The following XYLT1 variants were observed in gnomAD, a reference collection of about 807,000 sequenced individuals.
The protein encoded by XYLT1 is beta-D-xylosyltransferase 1.
In XYLT1, 36 loss-of-function variants were observed where a neutral mutation model predicts 91.3. The observed-to-expected ratio is 0.39, with a 90% CI of 0.30 to 0.52. The LOEUF (loss-of-function observed/expected upper bound fraction) is 0.52, where lower values mean the gene tolerates loss of function less well. Among genes scored for constraint, XYLT1 ranks in the 20% least tolerant of loss-of-function variants. The pLI, the probability that XYLT1 is intolerant of heterozygous loss-of-function variation, is 0.68. For synonymous variants in XYLT1, 588 were observed against 532.0 expected, an observed-to-expected ratio of 1.11 and a Z score of -1.45; for missense variants, 1,242 against 1,284.5, an observed-to-expected ratio of 0.97 and a Z score of 0.51.
chr16:17,224,796 A>C (rs2033033844), intron 3 of XYLT1, among the ~76,000 whole-genome samples: 2 of 152,176 alleles, frequency 1.3e-5, no homozygotes, highest in Admixed American at 6.5e-5. Context: ...GAGGTGCATG[A>C]GGCTCTCCCT....
At chr16:17,177,435 T>C (rs2031970065) in intron 5 of XYLT1, among the ~76,000 whole-genome samples, 1 of 152,192 alleles carries the variant, frequency 6.6e-6, no homozygotes, top group East Asian at 1.9e-4. Context: ...GACAATGTCA[T>C]GAAGATGTCA....
At chr16:17,387,216 C>T (rs1202633898) in intron 1 of XYLT1, among the ~76,000 whole-genome samples, 1 of 152,162 alleles carries the variant, frequency 6.6e-6, no homozygotes, top group Non-Finnish European at 1.5e-5. Flanking sequence ...CTGTACCTCC[C>T]TATGCACAAA....
intron 1 of XYLT1, among the ~76,000 whole-genome samples, chr16:17,359,284 G>A (rs1257179850): frequency 6.6e-6 from 1 of 152,160 alleles, no homozygotes; most frequent in Non-Finnish European, 1.5e-5. Flanking sequence ...TTTCCACCAC[G>A]GGGTTTTAGG....
At chr16:17,221,651 A>T (rs1351326615) in intron 3 of XYLT1, among the ~76,000 whole-genome samples, 2 of 152,166 alleles carry the variant, frequency 1.3e-5, no homozygotes, top group Admixed American at 6.5e-5. Context: ...AGGCAGGAGG[A>T]TCGCTTGAGC....
intron 2 of XYLT1, among the ~76,000 whole-genome samples, chr16:17,271,736 G>A (rs1419390576): frequency 6.6e-6 from 1 of 152,122 alleles, no homozygotes; most frequent in Non-Finnish European, 1.5e-5. Context: ...GTAGGAGTGG[G>A]GCAAAATCAC....
At chr16:17,419,296 G>A (rs2036220274) in intron 1 of XYLT1, among the ~76,000 whole-genome samples, 1 of 151,862 alleles carries the variant, frequency 6.6e-6, no homozygotes, top group African/African-American at 2.4e-5. Context: ...GAGCCAGGAT[G>A]GTACCACTGC....
intron 2 of XYLT1, among the ~76,000 whole-genome samples, chr16:17,297,930 A>C (rs1008806042): frequency 6.6e-6 from 1 of 151,922 alleles, no homozygotes; most frequent in Non-Finnish European, 1.5e-5. Context: ...CTGAGGCAGG[A>C]GAATGGCGTG....
chr16:17,249,940 T>A (rs2033510072), intron 3 of XYLT1: 1 of 152,332 alleles, frequency 6.6e-6, no homozygotes, highest in Non-Finnish European at 1.5e-5. Context: ...CCTCCCAAAG[T>A]GCTGAGATCA....
chr16:17,103,964 G>C lies in XYLT1; in HGVS notation c.*4731C>G, dbSNP rs1177905103. ...TCTAAGAGAGCCAGAGAGGAAGAGA[G>C]AGAGGAGAGAGAGAATTTGCATAGA... On this transcript the variant is annotated 3_prime_UTR_variant, in exon 12 of 12. Coordinates refer to ENST00000261381, the MANE Select transcript of XYLT1 (RefSeq NM_022166.4). The C allele has an allele frequency of 6.5e-6, 1 of 152,942 alleles. No homozygotes were observed. The highest frequency in any genetic ancestry group is 1.5e-5 in the Non-Finnish European group (1 of 68,308). The allele number at this position is 152,942 out of a possible 1,614,324, so 9.5% of individuals were successfully genotyped here.
intron 2 of XYLT1, among the ~76,000 whole-genome samples, chr16:17,350,080 T>C (rs1193335571): frequency 6.6e-6 from 1 of 152,164 alleles, no homozygotes; most frequent in Non-Finnish European, 1.5e-5. Flanking sequence ...TTCACTGTGT[T>C]AGCCAAAATG....
chr16:17,260,551 C>A (rs1042109985), intron 2 of XYLT1, among the ~76,000 whole-genome samples: 1 of 152,142 alleles, frequency 6.6e-6, no homozygotes, highest in Non-Finnish European at 1.5e-5. Flanking sequence ...ATGCCTCTTA[C>A]CAGTTCCCAA....
intron 3 of XYLT1, among the ~76,000 whole-genome samples, chr16:17,257,256 A>G (rs1467501776): frequency 6.6e-6 from 1 of 152,164 alleles, no homozygotes; most frequent in Non-Finnish European, 1.5e-5. Context: ...AAAGACCCCT[A>G]GAATGCAAGC....
intron 5 of XYLT1, 121 bp downstream of exon 5, chr16:17,198,091 C>A (rs901284012): frequency 4.5e-5 from 46 of 1,013,934 alleles, no homozygotes; most frequent in Non-Finnish European, 5.9e-5. Context: ...AATCAGAATC[C>A]TATCCTGAGC....
intron 3 of XYLT1, among the ~76,000 whole-genome samples, chr16:17,255,083 GC>G (rs1375342615): frequency 1.4e-5 from 2 of 144,292 alleles, no homozygotes; most frequent in Admixed American, 7.3e-5. Flanking sequence ...TGCAACCTCT[GC>G]CCCTTGGGTT....
chr16:17,447,707 GA>G (rs1368390144), intron 1 of XYLT1, among the ~76,000 whole-genome samples: 1 of 152,224 alleles, frequency 6.6e-6, no homozygotes. Context: ...TATGTCGTAA[GA>G]CCCATGGAGG....
chr16:17,380,161 A>G (rs2035661166), intron 1 of XYLT1, among the ~76,000 whole-genome samples: 1 of 152,134 alleles, frequency 6.6e-6, no homozygotes, highest in African/African-American at 2.4e-5. Context: ...GGTGGTGCAC[A>G]CCTGTAATCC....
intron 9 of XYLT1, among the ~76,000 whole-genome samples, chr16:17,132,560 C>G (rs886250535): frequency 4.8e-5 from 3 of 61,896 alleles, no homozygotes; most frequent in Non-Finnish European, 5.3e-5. Context: ...ACTAAGATAC[C>G]AGCAATGACC....
chr16:17,378,852 G>T (rs181093801), intron 1 of XYLT1, among the ~76,000 whole-genome samples: 1 of 152,170 alleles, frequency 6.6e-6, no homozygotes, highest in Non-Finnish European at 1.5e-5. Flanking sequence ...CCTAAGCTCA[G>T]ATTAAAACCC....
chr16:17,451,190 A>G (rs979139322), intron 1 of XYLT1, among the ~76,000 whole-genome samples: 3 of 152,196 alleles, frequency 2.0e-5, no homozygotes, highest in Non-Finnish European at 4.4e-5. Context: ...AACAGAGATG[A>G]TGAACCCATT....
Sources: allele counts gnomAD v4.1 joint callset (sites outside exome capture counted in the v4.1 genomes callset), GRCh38; gene constraint gnomAD v4.1.1; transcripts MANE v1.5; gene names NCBI Gene and HGNC (gene_info 2026-07-23, HGNC 2026-07-21).